Variants in YIPF1 observed in about 807,000 individuals in gnomAD.
The protein encoded by YIPF1 is protein YIPF1.
Under a neutral mutation model 37.0 loss-of-function variants are expected in YIPF1, and 22 were observed. The ratio of observed to expected loss-of-function variants is 0.59; its 90% CI spans 0.42 to 0.85. The LOEUF is 0.85. Among genes scored for constraint, YIPF1 ranks in the 40% least tolerant of loss-of-function variants. The pLI, the probability that YIPF1 is intolerant of heterozygous loss-of-function variation, is 0.00. For missense variants in YIPF1, 355 were observed against 373.1 expected (o/e 0.95, Z 0.40); for synonymous variants, 128 against 131.9 (o/e 0.97, Z 0.21).
In YIPF1 at chr1:53,879,126, ACT is replaced by A. The variant is rs150844196; in HGVS notation, c.196-406_196-405del. Among the ~76,000 whole-genome samples the A allele has an allele frequency of 1.4e-3, 208 of 150,520 alleles. 1 individual carries two copies. The highest frequency in any genetic ancestry group is 4.5e-3 in the African/African-American group (183 of 40,912). ...CTTTTTTTTTTTGAGATGGCGTCTC[ACT>A]CTCTTTCCCAAGCTGGAGTGCAGTA... On this transcript the variant is annotated intron_variant, in intron 4 of 10. Coordinates refer to ENST00000072644, the MANE Select transcript of YIPF1 (RefSeq NM_018982.5).
intron 6 of YIPF1, 29 bp from the exon 7 acceptor site, chr1:53,871,517 C>A: frequency 6.5e-7 from 1 of 1,548,044 alleles, no homozygotes; most frequent in Non-Finnish European, 8.9e-7. Context: ...AATTCAGAAA[C>A]AAGAAAATGA....
At chr1:53,877,446 C>T (rs921993627) in intron 6 of YIPF1, among the ~76,000 whole-genome samples, 14 of 152,184 alleles carry the variant, frequency 9.2e-5, no homozygotes, top group Admixed American at 6.5e-5. Flanking sequence ...GAGATATGAT[C>T]AAGTACACAC....
chr1:53,883,287 T>A lies in YIPF1; in HGVS notation c.32-11A>T, dbSNP rs1463010545. The A allele has an allele frequency of 1.3e-6, 2 of 1,547,852 alleles. No homozygotes were observed. Among genetic ancestry groups the A allele is most frequent in the Non-Finnish European group, 1.7e-6 (2 of 1,150,460 alleles). On this transcript the variant is annotated splice_polypyrimidine_tract_variant and intron_variant, in intron 3 of 10. Coordinates refer to ENST00000072644, the MANE Select transcript of YIPF1 (RefSeq NM_018982.5). Reference sequence around the variant, plus strand: ...CTGCATTGCCAAATTCTGAAATCAATTAGAGCACACGGGCCTCAGAAACCT... The same window carrying A: ...CTGCATTGCCAAATTCTGAAATCAAATAGAGCACACGGGCCTCAGAAACCT...
In YIPF1 at chr1:53,866,842, G is replaced by A; in HGVS notation, c.564C>T (p.Ser188=). 1 of 1,614,144 alleles carries A rather than the reference G, an allele frequency of 6.2e-7. No individual in the cohort carries two copies. Among genetic ancestry groups the A allele is most frequent in the Non-Finnish European group, 8.5e-7 (1 of 1,180,024 alleles). ...AATAGGAGACGATGTTCATAACTTT[G>A]CTGTTTCTCCACATGAGGAAACCCC... is the stretch of plus-strand genomic sequence containing the variant. ...ALWGFLMWRN[S]KVMNIVSYSF... The change falls in exon 8 of 11, where the codon AGC becomes AGT. Residue 188 remains serine (S), a synonymous_variant. Coordinates refer to ENST00000072644, the MANE Select transcript of YIPF1 (RefSeq NM_018982.5).
intron 6 of YIPF1, among the ~76,000 whole-genome samples, chr1:53,877,371 C>A (rs1650361338): frequency 6.6e-6 from 1 of 152,184 alleles, no homozygotes; most frequent in African/African-American, 2.4e-5. Flanking sequence ...TATCAATGAT[C>A]CTCACTGAGC....
rs1204599762 is a variant in YIPF1, at chr1:53,888,778, T to TG, written c.31+128dup. 3 of 945,880 alleles carry TG rather than the reference T, an allele frequency of 3.2e-6. No individual in the cohort carries two copies. In the East Asian group the frequency reaches 7.6e-5, roughly 24 times the overall value. The allele number at this position is 945,880 out of a possible 1,614,324, so 58.6% of individuals were successfully genotyped here. A position where few individuals can be genotyped will look rare whatever the true frequency, so the allele number is the denominator to read the frequency against. Reference sequence around the variant, plus strand: ...TGGACAAACAGGAAACACCTGGATGTGGCCAACAGCCACCAAGATGTTTGA... The same window carrying TG: ...TGGACAAACAGGAAACACCTGGATGTGGGCCAACAGCCACCAAGATGTTTGA... On this transcript the variant is annotated intron_variant, in intron 3 of 10. Transcript: ENST00000072644.
At chr1:53,871,628 G>T in intron 6 of YIPF1, 140 bp from the exon 7 acceptor site, 1 of 679,948 alleles carries the variant, frequency 1.5e-6, no homozygotes, top group Non-Finnish European at 2.4e-6. Context: ...ACTTGCTGAA[G>T]GGAAATTTTT....
At chr1:53,889,102 A>G in intron 2 of YIPF1, 116 bp from the exon 3 acceptor site, 1 of 525,504 alleles carries the variant, frequency 1.9e-6, no homozygotes, top group Non-Finnish European at 3.5e-6. Flanking sequence ...GTGGGGTTTA[A>G]TAGGTTTATA....
intron 6 of YIPF1, 137 bp downstream of exon 6, chr1:53,878,178 G>T: frequency 1.3e-6 from 1 of 774,382 alleles, no homozygotes; most frequent in Middle Eastern, 2.4e-4. Flanking sequence ...ACTTGCAAGG[G>T]TTGCTACTGA....
At chr1:53,887,883 G>C (rs7548285) in intron 3 of YIPF1, among the ~76,000 whole-genome samples, 90,765 of 152,048 alleles carry the variant, frequency 0.6, 27,753 homozygotes, top group East Asian at 0.85. Context: ...ATCTGTACAG[G>C]ATTTAGAACA....
intron 10 of YIPF1, among the ~76,000 whole-genome samples, chr1:53,853,879 ACT>A (rs1353561784): frequency 6.6e-6 from 1 of 152,152 alleles, no homozygotes; most frequent in African/African-American, 2.4e-5. Context: ...ATAAATATAT[ACT>A]CTGTTTTTCT....
intron 3 of YIPF1, 71 bp downstream of exon 3, chr1:53,888,836 G>A (rs1650725592): frequency 1.4e-6 from 2 of 1,398,572 alleles, no homozygotes; most frequent in Non-Finnish European, 2.0e-6. Flanking sequence ...GGCAGTATAG[G>A]AATGAAAATA....
chr1:53,856,493 ATG>A (rs1424911353), intron 10 of YIPF1, among the ~76,000 whole-genome samples: 1 of 152,164 alleles, frequency 6.6e-6, no homozygotes, highest in Non-Finnish European at 1.5e-5. Flanking sequence ...GTTCTCAGTG[ATG>A]TGAGTCCACA....
At chr1:53,862,762 C>T (rs754509730) in intron 9 of YIPF1, among the ~76,000 whole-genome samples, 3 of 152,128 alleles carry the variant, frequency 2.0e-5, no homozygotes, top group Non-Finnish European at 4.4e-5. Context: ...TTACATGACT[C>T]GTCATATTTT....
At chr1:53,881,738 G>A (rs1650507281) in intron 4 of YIPF1, among the ~76,000 whole-genome samples, 1 of 152,180 alleles carries the variant, frequency 6.6e-6, no homozygotes, top group South Asian at 2.1e-4. Flanking sequence ...CGGAGAAAAA[G>A]GAATGCTTTT....
intron 10 of YIPF1, among the ~76,000 whole-genome samples, chr1:53,857,287 C>G (rs1649744643): frequency 6.6e-6 from 1 of 152,168 alleles, no homozygotes; most frequent in African/African-American, 2.4e-5. Flanking sequence ...CAGTCCTGCC[C>G]CACAGAAACT....
intron 9 of YIPF1, among the ~76,000 whole-genome samples, chr1:53,865,090 T>C (rs1052301991): frequency 3.9e-5 from 6 of 152,158 alleles, no homozygotes; most frequent in Admixed American, 3.3e-4. Context: ...ACTTTAAATG[T>C]TGTTCACCTT....
At chr1:53,866,413 T>C in intron 8 of YIPF1, 31 bp from the exon 9 acceptor site, 2 of 1,604,606 alleles carry the variant, frequency 1.2e-6, no homozygotes, top group Non-Finnish European at 1.7e-6. Context: ...GAGCGGGGAG[T>C]TCTTGGGAGG....
chr1:53,863,141 G>A (rs6681549), intron 9 of YIPF1, among the ~76,000 whole-genome samples: 58,715 of 152,014 alleles, frequency 0.39, 11,573 homozygotes, highest in East Asian at 0.57. Flanking sequence ...AGTCCAACCC[G>A]TCCCGCTCTT....
Sources: allele counts gnomAD v4.1 joint callset (sites outside exome capture counted in the v4.1 genomes callset), GRCh38; gene constraint gnomAD v4.1.1; transcripts MANE v1.5; gene names NCBI Gene and HGNC (gene_info 2026-07-23, HGNC 2026-07-21).